The following VPS50 variants were observed in gnomAD, a reference collection of about 807,000 sequenced individuals.
The protein encoded by VPS50 is VPS50 subunit of EARP/GARPII complex.
VPS50 carries 70 observed loss-of-function variants against 139.7 expected under a neutral mutation model. The observed-to-expected ratio is 0.50, with a 90% confidence interval of 0.41 to 0.61. VPS50 has a LOEUF of 0.61. VPS50 is among the 20% of genes least tolerant of loss of function. The pLI is 0.00. For missense variants in VPS50, 921 were observed against 1,133.7 expected, an observed-to-expected ratio of 0.81 and a Z score of 2.69; for synonymous variants, 365 against 376.7, an observed-to-expected ratio of 0.97 and a Z score of 0.36.
intron 27 of VPS50, among the ~76,000 whole-genome samples, chr7:93,358,101 T>TA (rs1401327352): frequency 3.9e-5 from 6 of 152,190 alleles, no homozygotes; most frequent in African/African-American, 1.4e-4. Flanking sequence ...TAGTGCTTAC[T>TA]GTTTCAAATG....
At chr7:93,262,246 TAAA>T (rs1435923746) in intron 9 of VPS50, among the ~76,000 whole-genome samples, 1 of 152,160 alleles carries the variant, frequency 6.6e-6, no homozygotes, top group Non-Finnish European at 1.5e-5. Flanking sequence ...TTTATATAAT[TAAA>T]AATCTATTTT....
chr7:93,257,956 G>A (rs1185055791), intron 6 of VPS50, among the ~76,000 whole-genome samples: 1 of 152,044 alleles, frequency 6.6e-6, no homozygotes, highest in African/African-American at 2.4e-5. Context: ...CTAGCAGGTT[G>A]TGAATTGGCA....
intron 10 of VPS50, 30 bp from the exon 11 acceptor site, chr7:93,272,605 C>T: frequency 4.3e-6 from 4 of 933,524 alleles, no homozygotes; most frequent in Non-Finnish European, 3.3e-6. Flanking sequence ...ATTCCTTAAC[C>T]ATGTCTTGCT....
At chr7:93,253,401 C>T (rs1252174245) in intron 3 of VPS50, among the ~76,000 whole-genome samples, 1 of 152,206 alleles carries the variant, frequency 6.6e-6, no homozygotes, top group African/African-American at 2.4e-5. Context: ...AGTCCAACAA[C>T]TGTCACACAG....
At position 93,343,891 on chromosome 7, in the gene VPS50, A is replaced by G. The variant is rs570867525; in HGVS notation, c.2207+2316A>G. ...TGCAAAATCATGCCAAAATGTAAAG[A>G]CCATCCAGACTAGGAAGAAACTGCA... On this transcript the variant is annotated intron_variant, in intron 23 of 27. Transcript: ENST00000305866. Among the ~76,000 whole-genome samples, 7 of 152,348 alleles carry G rather than the reference A, an allele frequency of 4.6e-5. No homozygotes were observed. In the East Asian group the frequency reaches 1.3e-3, roughly 29 times the overall value.
In VPS50 at chr7:93,344,554, A is replaced by G. The variant is rs564559472; in HGVS notation, c.2207+2979A>G. Among the ~76,000 whole-genome samples, 182 of 152,304 alleles carry G rather than the reference A, an allele frequency of 1.2e-3. 2 individuals are homozygous for G. Among genetic ancestry groups the G allele is most frequent in the African/African-American group, 4.3e-3 (178 of 41,562 alleles). ...TTTTTTGCAGCACCACACCACACCT[A>G]TTCCAAAATTGACCACATACTTGGA... is the stretch of plus-strand genomic sequence containing the variant. On this transcript the variant is annotated intron_variant, in intron 23 of 27. Coordinates refer to ENST00000305866, the MANE Select transcript of VPS50 (RefSeq NM_017667.4).
intron 20 of VPS50, among the ~76,000 whole-genome samples, chr7:93,312,399 GTC>G (rs1360266396): frequency 6.6e-6 from 1 of 152,106 alleles, no homozygotes; most frequent in Non-Finnish European, 1.5e-5. Flanking sequence ...TTTCTGTAAT[GTC>G]TCTCATACAT....
chr7:93,267,798 A>G (rs1276985998), intron 9 of VPS50, among the ~76,000 whole-genome samples: 1 of 152,198 alleles, frequency 6.6e-6, no homozygotes, highest in Non-Finnish European at 1.5e-5. Context: ...TGAGGGTGTG[A>G]AAGTCTGGAG....
Position 93,324,632 on chromosome 7 carries a change from A to G in VPS50, c.1977+900A>G, listed in dbSNP as rs541134849. Among the ~76,000 whole-genome samples, 3 of 152,324 alleles carry G rather than the reference A, an allele frequency of 2.0e-5. No homozygotes were observed. The East Asian group carries it at 5.8e-4, about 29-fold the overall frequency. ...GAACCAGCCTTGCAAAATCACAAGC[A>G]TTCTTATACACCAATAACAGTCAAA... On this transcript the variant is annotated intron_variant, in intron 21 of 27. Coordinates refer to ENST00000305866, the MANE Select transcript of VPS50 (RefSeq NM_017667.4).
At chr7:93,310,953 C>T (rs550884012) in intron 19 of VPS50, among the ~76,000 whole-genome samples, 2 of 151,938 alleles carry the variant, frequency 1.3e-5, no homozygotes, top group African/African-American at 2.4e-5. Flanking sequence ...GTTTTATAAT[C>T]GAAGAAATGC....
intron 20 of VPS50, chr7:93,320,679 G>C (rs930863700): frequency 1.3e-5 from 2 of 152,174 alleles, no homozygotes; most frequent in Non-Finnish European, 2.9e-5. Context: ...ATTTCTTTTA[G>C]AGAGGAACCT....
intron 19 of VPS50, among the ~76,000 whole-genome samples, chr7:93,310,008 G>A (rs977723471): frequency 6.6e-5 from 10 of 151,894 alleles, no homozygotes; most frequent in Non-Finnish European, 8.8e-5. Flanking sequence ...GAAAAAATTT[G>A]TTCTATTGGT....
intron 9 of VPS50, among the ~76,000 whole-genome samples, chr7:93,270,773 T>C (rs1293081083): frequency 6.6e-6 from 1 of 151,982 alleles, no homozygotes; most frequent in Non-Finnish European, 1.5e-5. Flanking sequence ...TTAGCCATTT[T>C]TTTCATTCGT....
In VPS50 at chr7:93,359,962, A is replaced by C. The variant is rs2117105447; in HGVS notation, c.*1526A>C. 1 of 152,278 alleles carries C rather than the reference A, an allele frequency of 6.6e-6. No individual in the cohort carries two copies. The highest frequency in any genetic ancestry group is 1.5e-5 in the Non-Finnish European group (1 of 68,022). 9.4% of individuals were successfully genotyped at this position (152,278 alleles called of 1,614,324 possible). On this transcript the variant is annotated 3_prime_UTR_variant, in exon 28 of 28. Transcript: ENST00000305866. ...TGTAAAAAGGTATGAGTTTGGTGCC[A>C]TTATGATTTGGTTGTGGCTAGATTA... is the stretch of plus-strand genomic sequence containing the variant.
intron 9 of VPS50, among the ~76,000 whole-genome samples, chr7:93,270,234 T>G (rs186252004): frequency 6.6e-6 from 1 of 152,092 alleles, no homozygotes; most frequent in African/African-American, 2.4e-5. Context: ...AACATAGTTA[T>G]GTAATTACCA....
rs137879844 is a variant in VPS50, at chr7:93,303,500, A to G, written c.1402A>G (p.Thr468Ala). Residue 468 changes from threonine to alanine, a missense_variant, in exon 17 of 28, where the codon ACT becomes GCT. Physicochemically the swap from Thr to Ala is moderately conservative, Grantham distance 58 (BLOSUM62 0). Coordinates refer to ENST00000305866, the MANE Select transcript of VPS50 (RefSeq NM_017667.4). ...ACTGAGAATGTTCTTAGAGAATGAGACTTGGGAACTTTGTCCTGTTAAGTC... is the reference window on the plus strand; with the variant it reads ...ACTGAGAATGTTCTTAGAGAATGAGGCTTGGGAACTTTGTCCTGTTAAGTC... ...DELRMFLENE[T>A]WELCPVKSNF... 3.4e-4 allele frequency: 542 copies of G among 1,586,130 alleles called. 4 individuals are homozygous for G. The African/African-American group carries it at 6.5e-3, about 19-fold the overall frequency.
chr7:93,276,016 A>G (rs745763277), intron 11 of VPS50, 149 bp from the exon 12 acceptor site: 12 of 698,786 alleles, frequency 1.7e-5, no homozygotes, highest in Non-Finnish European at 2.5e-5. Flanking sequence ...TATACCCAGT[A>G]TAATTTTCCC....
intron 21 of VPS50, among the ~76,000 whole-genome samples, chr7:93,330,191 A>T (rs2117037681): frequency 6.6e-6 from 1 of 152,324 alleles, no homozygotes; most frequent in Middle Eastern, 3.4e-3. Flanking sequence ...AGTGATGAGT[A>T]TTGTAATCCA....
At chr7:93,356,392 A>G (rs1798707611) in intron 27 of VPS50, among the ~76,000 whole-genome samples, 1 of 152,188 alleles carries the variant, frequency 6.6e-6, no homozygotes. Context: ...GCTGAAGTTG[A>G]TAAATACTGA....
Sources: allele counts gnomAD v4.1 joint callset (sites outside exome capture counted in the v4.1 genomes callset), GRCh38; gene constraint gnomAD v4.1.1; transcripts MANE v1.5; gene names NCBI Gene and HGNC (gene_info 2026-07-23, HGNC 2026-07-21).